The following SORCS1 variants were observed in gnomAD, a reference collection of about 807,000 sequenced individuals.
SORCS1 encodes the protein VPS10 domain-containing receptor SorCS1.
SORCS1 carries 60 observed loss-of-function variants against 146.1 expected under a neutral mutation model. That is an observed-to-expected ratio of 0.41 (90% CI 0.33 to 0.51). SORCS1 has a LOEUF of 0.51. SORCS1 is among the 20% of genes least tolerant of loss of function. The pLI is 0.21. For synonymous variants in SORCS1, 637 were observed against 584.0 expected (o/e 1.09, Z -1.31); for missense variants, 1,352 against 1,487.6 (o/e 0.91, Z 1.50).
intron 17 of SORCS1, among the ~76,000 whole-genome samples, chr10:106,663,889 A>G (rs1051469119): frequency 3.3e-5 from 5 of 152,196 alleles, no homozygotes; most frequent in Non-Finnish European, 5.9e-5. Flanking sequence ...ATAAGACCCT[A>G]TTTGGGTATT....
chr10:106,916,340 T>C (rs1554882978), intron 2 of SORCS1, among the ~76,000 whole-genome samples: 1 of 152,038 alleles, frequency 6.6e-6, no homozygotes, highest in Non-Finnish European at 1.5e-5. Context: ...AGTTGATTGA[T>C]GGCAATACAT....
At position 106,777,742 on chromosome 10, in the gene SORCS1, G is replaced by A. The variant is rs146104410; in HGVS notation, c.727-1050C>T. On this transcript the variant is annotated intron_variant, in intron 3 of 25. Coordinates refer to ENST00000263054, the MANE Select transcript of SORCS1 (RefSeq NM_052918.5). The stretch of plus-strand genomic sequence containing the variant: ...TTAAATCCTCATTTTATGCCTTCAC[G>A]AATGTGTGATAAATTACTTCATTCC... Among the ~76,000 whole-genome samples, 420 of 152,286 alleles carry A rather than the reference G, an allele frequency of 2.8e-3. 2 individuals are homozygous for A. The highest frequency in any genetic ancestry group is 9.4e-3 in the African/African-American group (392 of 41,556).
Position 106,926,095 on chromosome 10 carries a change from T to C in SORCS1, c.626+30418A>G, listed in dbSNP as rs111290094. Among the ~76,000 whole-genome samples the C allele has an allele frequency of 5.3e-3, 807 of 152,148 alleles. 4 individuals are homozygous for C. The highest frequency in any genetic ancestry group is 9.5e-3 in the Non-Finnish European group (649 of 67,988). ...TATCCATCAATGCACAACACAGGAG[T>C]AGATTCAAGATATGGCAAGTGCATT... is the stretch of plus-strand genomic sequence containing the variant. On this transcript the variant is annotated intron_variant, in intron 2 of 25. Transcript: ENST00000263054.
chr10:107,068,682 C>T (rs1053468718), intron 1 of SORCS1, among the ~76,000 whole-genome samples: 2 of 151,984 alleles, frequency 1.3e-5, no homozygotes, highest in African/African-American at 4.8e-5. Flanking sequence ...CTGGCTAACA[C>T]GGTGAAGCCC....
rs1376884351 is a variant in SORCS1 at position 106,895,567 on chromosome 10, T to C, written c.626+60946A>G. ...AAGAGGTTGCAGTGAGCTAAGATTG[T>C]GCTACCGCACTCCAGCCTGGGAGAC... On this transcript the variant is annotated intron_variant, in intron 2 of 25. Transcript: ENST00000263054. 2.6e-5 allele frequency among the ~76,000 whole-genome samples: 4 copies of C among 152,160 alleles called. No homozygotes were observed. In the East Asian group the frequency reaches 7.7e-4, roughly 29 times the overall value.
chr10:106,579,752 T>C (rs1470641742), intron 24 of SORCS1, among the ~76,000 whole-genome samples: 1 of 152,002 alleles, frequency 6.6e-6, no homozygotes, highest in Non-Finnish European at 1.5e-5. Context: ...CTATGTGGTC[T>C]TGGGCAATTT....
intron 6 of SORCS1, among the ~76,000 whole-genome samples, chr10:106,710,544 TACA>T (rs932883188): frequency 1.6e-4 from 25 of 151,950 alleles, no homozygotes; most frequent in African/African-American, 6.0e-4. Context: ...TGGTGATAAA[TACA>T]ACATCAGTAA....
intron 1 of SORCS1, among the ~76,000 whole-genome samples, chr10:107,003,082 CTGTCTCTACTAA>C (rs1957283360): frequency 1.3e-5 from 2 of 152,080 alleles, no homozygotes; most frequent in Non-Finnish European, 2.9e-5. Context: ...ATGGTGAAAC[CTGTCTCTACTAA>C]AAGTACAAAA....
chr10:106,630,587 G>C (rs1387108648), intron 18 of SORCS1, among the ~76,000 whole-genome samples: 1 of 152,162 alleles, frequency 6.6e-6, no homozygotes, highest in Non-Finnish European at 1.5e-5. Flanking sequence ...AAGTCATTCA[G>C]TCTCCTGCAG....
chr10:106,938,391 T>C (rs538956211), intron 2 of SORCS1, among the ~76,000 whole-genome samples: 1 of 152,298 alleles, frequency 6.6e-6, no homozygotes, highest in East Asian at 1.9e-4. Flanking sequence ...TGTAGAGTTT[T>C]ATGTTTGGAG....
At chr10:106,803,741 T>C (rs568138842) in intron 3 of SORCS1, among the ~76,000 whole-genome samples, 6 of 152,322 alleles carry the variant, frequency 3.9e-5, no homozygotes, top group Non-Finnish European at 8.8e-5. Context: ...AGTTTCTGAA[T>C]GTAGTGTCTG....
At position 106,679,801 on chromosome 10, in the gene SORCS1, A is replaced by T. The variant is rs932170177; in HGVS notation, c.1561-67T>A. 7.2e-6 allele frequency: 9 copies of T among 1,254,846 alleles called. No individual in the cohort carries two copies. The East Asian group carries it at 2.3e-4, about 32-fold the overall frequency. 77.7% of individuals were successfully genotyped at this position (1,254,846 alleles called of 1,614,324 possible). A position where few individuals can be genotyped will look rare whatever the true frequency, so the allele number is the denominator to read the frequency against. Reference sequence around the variant, plus strand: ...AAATGGTCATTTGAAGCTCAGAATCAGATCATCCATCCATCTAACCAACCA... The same window carrying T: ...AAATGGTCATTTGAAGCTCAGAATCTGATCATCCATCCATCTAACCAACCA... On this transcript the variant is annotated intron_variant, in intron 10 of 25. Coordinates refer to ENST00000263054, the MANE Select transcript of SORCS1 (RefSeq NM_052918.5).
chr10:107,019,643 C>T (rs528553222), intron 1 of SORCS1, among the ~76,000 whole-genome samples: 28 of 152,270 alleles, frequency 1.8e-4, no homozygotes, highest in South Asian at 4.2e-4. Flanking sequence ...ATGCCCTAAC[C>T]GTCCAAGCAG....
rs1446186974 is a variant in SORCS1, at chr10:106,926,826, TATACACACACAC to T, written c.626+29675_626+29686del. Among the ~76,000 whole-genome samples, 340 of 140,184 alleles carry T rather than the reference TATACACACACAC, an allele frequency of 2.4e-3. 1 individual carries two copies. Among genetic ancestry groups the T allele is most frequent in the African/African-American group, 3.9e-3 (138 of 35,838 alleles). 92.0% of individuals were successfully genotyped at this position (140,184 alleles called of 152,430 possible). On this transcript the variant is annotated intron_variant, in intron 2 of 25. Coordinates refer to ENST00000263054, the MANE Select transcript of SORCS1 (RefSeq NM_052918.5). The stretch of plus-strand genomic sequence containing the variant: ...TCCTCCAAAATTTCTAAGGAATATA[TATACACACACAC>T]ACACACACACACACACACACACACA...
intron 1 of SORCS1, among the ~76,000 whole-genome samples, chr10:107,057,867 G>A (rs1960796774): frequency 6.6e-6 from 1 of 151,998 alleles, no homozygotes; most frequent in East Asian, 1.9e-4. Context: ...CAGTGCAGTG[G>A]CTACTCACAG....
chr10:106,744,807 T>G (rs1284084368), intron 5 of SORCS1, among the ~76,000 whole-genome samples: 4 of 152,070 alleles, frequency 2.6e-5, no homozygotes, highest in Non-Finnish European at 5.9e-5. Flanking sequence ...AGTGTGTGCA[T>G]GTGTGTGTAT....
intron 18 of SORCS1, among the ~76,000 whole-genome samples, chr10:106,635,683 A>C (rs1391217951): frequency 2.0e-5 from 3 of 152,198 alleles, no homozygotes; most frequent in Non-Finnish European, 4.4e-5. Context: ...ATTACTATAA[A>C]TATTTAAATA....
chr10:106,903,787 G>T lies in SORCS1; in HGVS notation c.626+52726C>A, dbSNP rs141365767. On this transcript the variant is annotated intron_variant, in intron 2 of 25. Coordinates refer to ENST00000263054, the MANE Select transcript of SORCS1 (RefSeq NM_052918.5). ...AAATGTTTTCTTTCTGCTTTGGTTG[G>T]TTCTGCTTTAGGTACTAGTCTGTAG... 4.0e-4 allele frequency among the ~76,000 whole-genome samples: 61 copies of T among 152,198 alleles called. No individual in the cohort carries two copies. In the East Asian group the frequency reaches 0.011, roughly 28 times the overall value.
chr10:107,002,671 G>T (rs1436371353), intron 1 of SORCS1, among the ~76,000 whole-genome samples: 1 of 152,112 alleles, frequency 6.6e-6, no homozygotes, highest in Non-Finnish European at 1.5e-5. Context: ...ATTGTGCCTA[G>T]AAAATCCAGG....
Sources: gnomAD v4.1 joint callset for allele counts (sites outside exome capture counted in the v4.1 genomes callset) on GRCh38, gnomAD v4.1.1 for gene constraint, MANE v1.5 for transcripts, NCBI Gene and HGNC (gene_info 2026-07-23, HGNC 2026-07-21) for gene names.